EPS8: variants seen among roughly 807,000 people sequenced by gnomAD.
EPS8 encodes epidermal growth factor receptor kinase substrate 8.
In EPS8, 42 loss-of-function variants were observed where a neutral mutation model predicts 103.8. That is an observed-to-expected ratio of 0.40 (90% CI 0.32 to 0.52). The LOEUF is 0.52. EPS8 is among the 20% of genes least tolerant of loss of function. EPS8 has a pLI of 0.40. For synonymous variants in EPS8, 344 were observed against 344.6 expected (o/e 1.00, Z 0.02); for missense variants, 969 against 1,005.1 (o/e 0.96, Z 0.49).
At chr12:15,643,463 GGCGT>G (rs1945265889) in intron 15 of EPS8, among the ~76,000 whole-genome samples, 1 of 152,136 alleles carries the variant, frequency 6.6e-6, no homozygotes, top group African/African-American at 2.4e-5. Context: ...TTCTTGGCCA[GGCGT>G]GGTGGTTCAT....
intron 1 of EPS8, among the ~76,000 whole-genome samples, chr12:15,730,948 G>C (rs974837467): frequency 2.6e-5 from 4 of 151,304 alleles, no homozygotes; most frequent in African/African-American, 9.7e-5. Context: ...ATCTACAATA[G>C]CACACAAGGT....
At chr12:15,682,537 G>A (rs2135889182) in intron 2 of EPS8, among the ~76,000 whole-genome samples, 1 of 152,208 alleles carries the variant, frequency 6.6e-6, no homozygotes, top group South Asian at 2.1e-4. Context: ...CTTCTCAAAT[G>A]CCAATATTTT....
intron 13 of EPS8, among the ~76,000 whole-genome samples, chr12:15,652,772 C>T (rs959471252): frequency 4.6e-5 from 7 of 152,144 alleles, no homozygotes; most frequent in African/African-American, 1.7e-4. Context: ...TATTCCAACA[C>T]AAGCCACTGT....
At chr12:15,647,006 A>G (rs1341629758) in intron 15 of EPS8, 121 bp downstream of exon 15, 3 of 923,376 alleles carry the variant, frequency 3.2e-6, no homozygotes, top group Non-Finnish European at 4.7e-6. Flanking sequence ...AAACTTTATC[A>G]ACTAATTAAC....
rs1003731606 is a variant in EPS8 at position 15,771,748 on chromosome 12, T to C, written c.-22+17413A>G. The stretch of plus-strand genomic sequence containing the variant: ...AAAAGAAAAGAAAAAGAAAAGAAAT[T>C]CTTCCTAGAACTGAACTATTTTTGT... On this transcript the variant is annotated intron_variant, in intron 1 of 20. Coordinates refer to ENST00000281172, the MANE Select transcript of EPS8 (RefSeq NM_004447.6). The surrounding 1 kb of genome is among the most constrained non-coding windows in gnomAD (Gnocchi z 4.6). Among the ~76,000 whole-genome samples, 1 of 151,788 alleles carries C rather than the reference T, an allele frequency of 6.6e-6. No individual in the cohort carries two copies. The highest frequency in any genetic ancestry group is 6.6e-5 in the Admixed American group (1 of 15,238).
rs1393588631 is a variant in EPS8 at position 15,713,117 on chromosome 12, T to G, written c.-21-30145A>C. ...AACTCTTGCCTAAGATGATTTTTTTTTTAAGTTTTAAATGGTGAAAATAAT... is the reference window on the plus strand; with the variant it reads ...AACTCTTGCCTAAGATGATTTTTTTGTTAAGTTTTAAATGGTGAAAATAAT... On this transcript the variant is annotated intron_variant, in intron 1 of 20. Transcript: ENST00000281172. This position sits in a 1 kb window ranked among gnomAD's most constrained non-coding sequence, Gnocchi z 4.8. 2 of 423,344 alleles carry G rather than the reference T, an allele frequency of 4.7e-6. No homozygotes were observed. Among genetic ancestry groups the G allele is most frequent in the Non-Finnish European group, 6.3e-6 (2 of 316,606 alleles). The allele number at this position is 423,344 out of a possible 1,614,324, so 26.2% of individuals were successfully genotyped here.
intron 1 of EPS8, among the ~76,000 whole-genome samples, chr12:15,740,639 T>A (rs748878104): frequency 6.6e-6 from 1 of 151,940 alleles, no homozygotes; most frequent in African/African-American, 2.4e-5. Flanking sequence ...CTAGAACATA[T>A]GTGTCATATA....
At chr12:15,708,108 T>A (rs1041781040) in intron 1 of EPS8, among the ~76,000 whole-genome samples, 1 of 152,200 alleles carries the variant, frequency 6.6e-6, no homozygotes, top group African/African-American at 2.4e-5. Context: ...ATTAAATGCA[T>A]ATGAAATAAC....
At chr12:15,740,564 AAAATAAATAAAT>A (rs60477147) in intron 1 of EPS8, among the ~76,000 whole-genome samples, 86 of 149,506 alleles carry the variant, frequency 5.8e-4, no homozygotes, top group East Asian at 7.8e-4. Flanking sequence ...AAAAATAATA[AAAATAAATAAAT>A]AAATAAATAA....
intron 15 of EPS8, among the ~76,000 whole-genome samples, chr12:15,644,846 A>G (rs2135767961): frequency 6.6e-6 from 1 of 152,314 alleles, no homozygotes; most frequent in African/African-American, 2.4e-5. Flanking sequence ...TTTATATCAG[A>G]CCACAATTTT....
intron 17 of EPS8, among the ~76,000 whole-genome samples, chr12:15,640,090 A>T (rs1945202744): frequency 6.6e-6 from 1 of 152,262 alleles, no homozygotes; most frequent in African/African-American, 2.4e-5. Context: ...AAAATGTGGC[A>T]TGGGCCATAA....
At chr12:15,720,591 T>C (rs1946584253) in intron 1 of EPS8, among the ~76,000 whole-genome samples, 2 of 152,222 alleles carry the variant, frequency 1.3e-5, no homozygotes, top group African/African-American at 2.4e-5. Context: ...GATCAACAAA[T>C]GGGGTGTTCC....
intron 1 of EPS8, among the ~76,000 whole-genome samples, chr12:15,718,895 C>G (rs1946562582): frequency 6.6e-6 from 1 of 152,098 alleles, no homozygotes; most frequent in African/African-American, 2.4e-5. Flanking sequence ...GCATTTCTTA[C>G]AGAAGTATCA....
rs536143458 is a variant in EPS8 at position 15,736,128 on chromosome 12, C to T, written c.-22+53033G>A. Reference sequence around the variant, plus strand: ...TCTCAAACTCCTGAGCTCAAGCAATCCTCCTGCCTCAGCCTGCTAAAGTGC... The same window carrying T: ...TCTCAAACTCCTGAGCTCAAGCAATTCTCCTGCCTCAGCCTGCTAAAGTGC... On this transcript the variant is annotated intron_variant, in intron 1 of 20. Coordinates refer to ENST00000281172, the MANE Select transcript of EPS8 (RefSeq NM_004447.6). The surrounding 1 kb of genome is among the most constrained non-coding windows in gnomAD (Gnocchi z 4.2). 6.6e-6 allele frequency among the ~76,000 whole-genome samples: 1 copy of T among 152,202 alleles called. No homozygotes were observed. Among genetic ancestry groups the T allele is most frequent in the East Asian group, 1.9e-4 (1 of 5,200 alleles).
intron 1 of EPS8, among the ~76,000 whole-genome samples, chr12:15,685,081 C>T (rs935845727): frequency 1.3e-5 from 2 of 152,172 alleles, no homozygotes; most frequent in African/African-American, 4.8e-5. Flanking sequence ...TACAAAATTC[C>T]TAAATTCTTC....
intron 1 of EPS8, among the ~76,000 whole-genome samples, chr12:15,694,830 A>G (rs971205794): frequency 6.6e-6 from 1 of 152,244 alleles, no homozygotes. Flanking sequence ...CAGTAAATAT[A>G]AGCTTTGACT....
In EPS8 at chr12:15,640,711, T is replaced by A; in HGVS notation, c.1813A>T (p.Thr605Ser). 1 of 1,613,768 alleles carries A rather than the reference T, an allele frequency of 6.2e-7. No homozygotes were observed. ...LGRADPPYTH[T>S]IQKQRMEYGP... ...TAAGAAATCATGCTCACCTGTATAGTATGAGTATAAGGTGGATCAGCACGC... is the reference window on the plus strand; with the variant it reads ...TAAGAAATCATGCTCACCTGTATAGAATGAGTATAAGGTGGATCAGCACGC... Residue 605 changes from threonine (T) to serine (S), a missense_variant, in exon 17 of 21, where the codon ACT becomes TCT. Coordinates refer to ENST00000281172, the MANE Select transcript of EPS8 (RefSeq NM_004447.6).
In EPS8 at chr12:15,780,327, C is replaced by CAAAA; in HGVS notation, c.-22+8833_-22+8834insTTTT. ...TCATGCCAACCTATTCCGCACATGT[C>CAAAA]AAACATGCTCATCTTTCTACCTGGA... On this transcript the variant is annotated intron_variant, in intron 1 of 20. Coordinates refer to ENST00000281172, the MANE Select transcript of EPS8 (RefSeq NM_004447.6). This position sits in a 1 kb window ranked among gnomAD's most constrained non-coding sequence, Gnocchi z 4.1. Among the ~76,000 whole-genome samples the CAAAA allele has an allele frequency of 6.6e-6, 1 of 151,982 alleles. No homozygotes were observed. Among genetic ancestry groups the CAAAA allele is most frequent in the East Asian group, 1.9e-4 (1 of 5,178 alleles).
At chr12:15,631,231 T>A (rs547323611) in intron 18 of EPS8, among the ~76,000 whole-genome samples, 3 of 152,034 alleles carry the variant, frequency 2.0e-5, no homozygotes, top group Admixed American at 6.6e-5. Flanking sequence ...GGAAAAGGAG[T>A]AGAAAGGCAT....
Sources: gnomAD v4.1 joint callset for allele counts (sites outside exome capture counted in the v4.1 genomes callset) on GRCh38, gnomAD v4.1.1 for gene constraint, Gnocchi (gnomAD v3.1) non-coding constraint, MANE v1.5 for transcripts, NCBI Gene and HGNC (gene_info 2026-07-23, HGNC 2026-07-21) for gene names.